The following PPP1R16A variants were observed in gnomAD, a reference collection of about 807,000 sequenced individuals.
The protein encoded by PPP1R16A is protein phosphatase 1 regulatory subunit 16A.
A neutral mutation model predicts 46.6 loss-of-function variants in PPP1R16A; 39 were observed. That is an observed-to-expected ratio of 0.84 (90% CI 0.65 to 1.09). PPP1R16A has a LOEUF of 1.09. Among genes scored for constraint, PPP1R16A ranks in the 50% least tolerant of loss-of-function variants. PPP1R16A has a pLI of 0.00. For synonymous variants in PPP1R16A, 413 were observed against 321.5 expected (o/e 1.28, Z -3.04); for missense variants, 798 against 735.6 (o/e 1.08, Z -0.98).
At chr8:144,489,389 T>C (rs1248133107) in intron 1 of PPP1R16A, among the ~76,000 whole-genome samples, 1 of 38,722 alleles carries the variant, frequency 2.6e-5, no homozygotes, top group African/African-American at 1.2e-4. Context: ...TGAGGGGGGT[T>C]GGACTGGGAG....
chr8:144,483,805 A>C (rs1487878721), intron 1 of PPP1R16A, among the ~76,000 whole-genome samples: 1 of 152,028 alleles, frequency 6.6e-6, no homozygotes, highest in Non-Finnish European at 1.5e-5. Flanking sequence ...GGTTCAAGCA[A>C]TCCTCCTGCT....
chr8:144,492,628 C>A (rs1471886771), intron 2 of PPP1R16A, among the ~76,000 whole-genome samples: 1 of 152,120 alleles, frequency 6.6e-6, no homozygotes, highest in South Asian at 2.1e-4. Flanking sequence ...AGCCACTGTG[C>A]CTAGGTGCAC....
intron 1 of PPP1R16A, 33 bp from the exon 2 acceptor site, chr8:144,490,001 C>T (rs1825753604): frequency 6.6e-6 from 1 of 152,392 alleles, no homozygotes; most frequent in Non-Finnish European, 1.5e-5. Flanking sequence ...TCCCTCGGTC[C>T]TTCACAAAGA....
chr8:144,478,799 C>G (rs1208529913), intron 1 of PPP1R16A: 6 of 152,302 alleles, frequency 3.9e-5, no homozygotes, highest in African/African-American at 1.4e-4. Context: ...AGCACCCCGC[C>G]TGGGAGGGAG....
At chr8:144,485,538 C>A (rs572301253) in intron 1 of PPP1R16A, among the ~76,000 whole-genome samples, 7 of 143,380 alleles carry the variant, frequency 4.9e-5, no homozygotes, top group African/African-American at 1.6e-4. Context: ...AAAAAAAAAA[C>A]AATAGATAAA....
rs926932713 is a variant in PPP1R16A, at chr8:144,493,251, G to A, written c.-735+3039G>A. On this transcript the variant is annotated intron_variant, in intron 2 of 11. Transcript: ENST00000435887. The surrounding 1 kb of genome is among the most constrained non-coding windows in gnomAD (Gnocchi z 4.3). Reference sequence around the variant, plus strand: ...CTCAGGCAGCTGGCCTGGGCTTTGAGGAGTGGAATGAACCCACCGGGTTAT... The same window carrying A: ...CTCAGGCAGCTGGCCTGGGCTTTGAAGAGTGGAATGAACCCACCGGGTTAT... 6.6e-6 allele frequency among the ~76,000 whole-genome samples: 1 copy of A among 152,166 alleles called. No individual in the cohort carries two copies. Among genetic ancestry groups the A allele is most frequent in the African/African-American group, 2.4e-5 (1 of 41,458 alleles).
chr8:144,480,596 C>G (rs1368690551), intron 1 of PPP1R16A, among the ~76,000 whole-genome samples: 1 of 152,070 alleles, frequency 6.6e-6, no homozygotes, highest in African/African-American at 2.4e-5. Flanking sequence ...AAGTGATTCT[C>G]CTGCCTCAGC....
intron 2 of PPP1R16A, among the ~76,000 whole-genome samples, chr8:144,491,593 C>T (rs1281243445): frequency 6.6e-6 from 1 of 152,068 alleles, no homozygotes; most frequent in Non-Finnish European, 1.5e-5. Flanking sequence ...GAAACCCCAT[C>T]TCTACTAAAA....
intron 5 of PPP1R16A, 74 bp downstream of exon 5, chr8:144,499,135 A>G (rs1356599418): frequency 1.3e-6 from 2 of 1,491,964 alleles, no homozygotes; most frequent in Non-Finnish European, 1.8e-6. Flanking sequence ...CCTCTTGGGC[A>G]GTATCTGTGG....
In PPP1R16A at chr8:144,501,747, G is replaced by A. The variant is rs1435564760; in HGVS notation, c.1431G>A (p.Glu477=). The part of the protein sequence containing the change: ...KLQRPPPEGP[E]SPETAEPGLP... ...AGCGACCCCCACCTGAGGGGCCCGA[G>A]AGCCCTGAGACAGCTGAGCCTGGCC... Residue 477 remains glutamate (E), a synonymous_variant, in exon 12 of 12, where the codon GAG becomes GAA. Coordinates refer to ENST00000435887, the MANE Select transcript of PPP1R16A (RefSeq NM_001329443.2). 1.3e-6 allele frequency: 2 copies of A among 1,575,220 alleles called. No homozygotes were observed. Among genetic ancestry groups the A allele is most frequent in the Non-Finnish European group, 1.7e-6 (2 of 1,161,440 alleles).
chr8:144,486,684 C>A (rs1825638770), intron 1 of PPP1R16A, among the ~76,000 whole-genome samples: 1 of 152,136 alleles, frequency 6.6e-6, no homozygotes, highest in South Asian at 2.1e-4. Context: ...GCATCCTCTG[C>A]CCATTTTCTA....
chr8:144,489,813 C>T (rs538456552), intron 1 of PPP1R16A, among the ~76,000 whole-genome samples: 36 of 152,364 alleles, frequency 2.4e-4, no homozygotes, highest in Admixed American at 9.1e-4. Context: ...CAGCAGCCAC[C>T]AACCTGCTTT....
chr8:144,500,851 G>T lies in PPP1R16A; in HGVS notation c.917G>T (p.Gly306Val). 1.3e-6 allele frequency: 2 copies of T among 1,576,188 alleles called. No individual in the cohort carries two copies. The highest frequency in any genetic ancestry group is 1.4e-5 in the African/African-American group (1 of 73,964). ...TGCGCCCACTTCTCAGATGTGTGCG[G>T]GGACGAGGAGGTGCGGGCCAAGCTG... ...LMDETPLDVC[G>V]DEEVRAKLLE... The change falls in exon 10 of 12, where the codon GGG (glycine) becomes GTG (valine). Residue 306 changes from glycine (G) to valine (V), a missense_variant. Transcript: ENST00000435887.
At chr8:144,492,131 C>T (rs541721524) in intron 2 of PPP1R16A, among the ~76,000 whole-genome samples, 3 of 152,262 alleles carry the variant, frequency 2.0e-5, no homozygotes, top group South Asian at 2.1e-4. Context: ...TGGGCCAGCC[C>T]GTCACTGCCG....
At chr8:144,499,590 C>G (rs2721150) in intron 5 of PPP1R16A, 86,153 of 182,440 alleles carry the variant, frequency 0.47, 20,856 homozygotes, top group South Asian at 0.54. Context: ...GTGGGGTGTG[C>G]ATGGCGGTCG....
rs1408880248 is a variant in PPP1R16A at position 144,493,865 on chromosome 8, T to C, written c.-734-2596T>C. Among the ~76,000 whole-genome samples, 1 of 151,854 alleles carries C rather than the reference T, an allele frequency of 6.6e-6. No individual in the cohort carries two copies. Among genetic ancestry groups the C allele is most frequent in the Non-Finnish European group, 1.5e-5 (1 of 67,916 alleles). On this transcript the variant is annotated intron_variant, in intron 2 of 11. Coordinates refer to ENST00000435887, the MANE Select transcript of PPP1R16A (RefSeq NM_001329443.2). This position sits in a 1 kb window ranked among gnomAD's most constrained non-coding sequence, Gnocchi z 4.3. ...GTGGGCCTGCTAGGGTGGGGCCAAG[T>C]GCCCTGTGAGCCGTGCTGGGTGGGG... is the stretch of plus-strand genomic sequence containing the variant.
At chr8:144,485,744 G>A (rs570132805) in intron 1 of PPP1R16A, among the ~76,000 whole-genome samples, 29 of 152,120 alleles carry the variant, frequency 1.9e-4, no homozygotes, top group African/African-American at 6.0e-4. Context: ...TTAGTTCTGC[G>A]CATCTGTCAC....
intron 1 of PPP1R16A, among the ~76,000 whole-genome samples, chr8:144,480,374 G>C (rs1447796915): frequency 6.6e-6 from 1 of 152,186 alleles, no homozygotes; most frequent in Non-Finnish European, 1.5e-5. Flanking sequence ...GAGTGCGGTT[G>C]CACAATCTCC....
chr8:144,485,955 G>A (rs950625824), intron 1 of PPP1R16A, among the ~76,000 whole-genome samples: 1 of 152,152 alleles, frequency 6.6e-6, no homozygotes, highest in African/African-American at 2.4e-5. Context: ...CGTTGAGGTC[G>A]GCGTGATGTC....
Sources: allele counts gnomAD v4.1 joint callset (sites outside exome capture counted in the v4.1 genomes callset), GRCh38; gene constraint gnomAD v4.1.1; non-coding constraint Gnocchi (gnomAD v3.1); transcripts MANE v1.5; gene names NCBI Gene and HGNC (gene_info 2026-07-23, HGNC 2026-07-21).